The following CCDC40 variants were observed in gnomAD, a reference collection of about 807,000 sequenced individuals.
CCDC40 encodes the protein coiled-coil domain 40 molecular ruler complex subunit.
A neutral mutation model predicts 124.5 loss-of-function variants in CCDC40; 104 were observed. That is an observed-to-expected ratio of 0.84 (90% CI 0.71 to 0.98). CCDC40 has a LOEUF of 0.98. Ranked by LOEUF, CCDC40 falls within the 50% of genes least tolerant of loss-of-function variation. CCDC40 has a pLI of 0.00. For synonymous variants in CCDC40, 580 were observed against 602.9 expected (o/e 0.96, Z 0.56); for missense variants, 1,463 against 1,503.9 (o/e 0.97, Z 0.45).
rs533715442 is a variant in CCDC40, at chr17:80,058,028, C to G, written c.1160-466C>G. 6.6e-6 allele frequency among the ~76,000 whole-genome samples: 1 copy of G among 152,308 alleles called. No homozygotes were observed. The highest frequency in any genetic ancestry group is 1.9e-4 in the East Asian group (1 of 5,170). On this transcript the variant is annotated intron_variant, in intron 7 of 19. Transcript: ENST00000397545. This position sits in a 1 kb window ranked among gnomAD's most constrained non-coding sequence, Gnocchi z 4.2. The stretch of plus-strand genomic sequence containing the variant: ...CTCTTCTAGCCTCGTCCTCTCTGGC[C>G]TGCACTGCTGTGCAGCGGTGTCAGT...
intron 10 of CCDC40, among the ~76,000 whole-genome samples, chr17:80,069,880 G>A (rs140697263): frequency 0.015 from 2,247 of 152,348 alleles, 57 homozygotes; most frequent in African/African-American, 0.052. Context: ...TTTTCCCTCA[G>A]TCCTGATGAT....
At chr17:80,085,962 GC>G in intron 13 of CCDC40, 40 bp from the exon 14 acceptor site, 1 of 1,576,738 alleles carries the variant, frequency 6.3e-7, no homozygotes, top group Non-Finnish European at 8.7e-7. Flanking sequence ...GAGTCACTGC[GC>G]CCAGCCCTAA....
chr17:80,099,398 C>A, intron 19 of CCDC40, 129 bp from the exon 20 acceptor site: 1 of 1,092,628 alleles, frequency 9.2e-7, no homozygotes, highest in Non-Finnish European at 1.4e-6. Context: ...AACACCTTCA[C>A]GCCGTCCCTT....
At chr17:80,093,379 C>T (rs988148189) in intron 17 of CCDC40, among the ~76,000 whole-genome samples, 1 of 152,056 alleles carries the variant, frequency 6.6e-6, no homozygotes, top group Non-Finnish European at 1.5e-5. Context: ...GATGGGGTTT[C>T]ACCATGTTGG....
Position 80,087,931 on chromosome 17 carries a change from G to A in CCDC40, c.2620-80G>A. 7.6e-7 allele frequency: 1 copy of A among 1,316,956 alleles called. No homozygotes were observed. The highest frequency in any genetic ancestry group is 1.1e-6 in the Non-Finnish European group (1 of 910,202). 81.6% of individuals were successfully genotyped at this position (1,316,956 alleles called of 1,614,324 possible). On this transcript the variant is annotated intron_variant, in intron 15 of 19. Transcript: ENST00000397545. The surrounding 1 kb of genome is among the most constrained non-coding windows in gnomAD (Gnocchi z 4.5). ...TCCAGCCTGCAGCCCTGCCCTCGGT[G>A]CCGGGATAGAGGGCACCAGCCCCGG...
Position 80,058,430 on chromosome 17 carries a change from G to T in CCDC40, c.1160-64G>T, listed in dbSNP as rs2037806076. The T allele has an allele frequency of 7.3e-6, 11 of 1,499,202 alleles. No individual in the cohort carries two copies. The Admixed American group carries it at 1.7e-4, about 23-fold the overall frequency. The allele number at this position is 1,499,202 out of a possible 1,614,324, so 92.9% of individuals were successfully genotyped here. A position where few individuals can be genotyped will look rare whatever the true frequency, so the allele number is the denominator to read the frequency against. ...CCTGCTTCCTCCTGGGTCTCTGCAT[G>T]GGGGACGCTGGGACAGCCTCCCCAC... On this transcript the variant is annotated intron_variant, in intron 7 of 19. Transcript: ENST00000397545. The surrounding 1 kb of genome is among the most constrained non-coding windows in gnomAD (Gnocchi z 4.2).
Position 80,086,725 on chromosome 17 carries a change from C to T in CCDC40, c.2449+509C>T, listed in dbSNP as rs1568711742. ...CCTGGACCACTCTCCACCCACATGT[C>T]CACCTGCCGAGACATCCCGGGTCCT... On this transcript the variant is annotated intron_variant, in intron 14 of 19. Transcript: ENST00000397545. This position sits in a 1 kb window ranked among gnomAD's most constrained non-coding sequence, Gnocchi z 5.5. The T allele has an allele frequency of 5.4e-6, 1 of 186,294 alleles. No homozygotes were observed. Among genetic ancestry groups the T allele is most frequent in the East Asian group, 1.5e-4 (1 of 6,820 alleles). The allele number at this position is 186,294 out of a possible 1,614,324, so 11.5% of individuals were successfully genotyped here.
At chr17:80,048,292 T>C in intron 4 of CCDC40, 1 of 446,016 alleles carries the variant, frequency 2.2e-6, no homozygotes, top group Non-Finnish European at 4.2e-6. Context: ...ATCCACTAGT[T>C]AAGTGGCCAC....
chr17:80,067,073 A>G (rs1261240553), intron 10 of CCDC40: 2 of 157,262 alleles, frequency 1.3e-5, no homozygotes, highest in African/African-American at 4.8e-5. Context: ...AAGAAAAGTC[A>G]AGGCCAGGTT....
At position 80,050,971 on chromosome 17, in the gene CCDC40, C is replaced by T. The variant is rs372520049; in HGVS notation, c.1159+688C>T. Among the ~76,000 whole-genome samples the T allele has an allele frequency of 2.1e-3, 323 of 152,204 alleles. 7 individuals are homozygous for T. The South Asian group carries it at 0.052, about 24-fold the overall frequency. ...AGACCATGGCCCAGGGCCTGACCGCCGTAGGATGTGTGCGGCAGGTCAGTG... is the reference window on the plus strand; with the variant it reads ...AGACCATGGCCCAGGGCCTGACCGCTGTAGGATGTGTGCGGCAGGTCAGTG... On this transcript the variant is annotated intron_variant, in intron 7 of 19. Transcript: ENST00000397545.
At chr17:80,064,234 C>G (rs55959152) in intron 9 of CCDC40, among the ~76,000 whole-genome samples, 45 of 152,254 alleles carry the variant, frequency 3.0e-4, no homozygotes, top group East Asian at 2.1e-3. Context: ...GCGCTGCCCT[C>G]GGCTCCCCCG....
intron 3 of CCDC40, among the ~76,000 whole-genome samples, chr17:80,045,282 A>C (rs2037393757): frequency 6.6e-6 from 1 of 152,234 alleles, no homozygotes; most frequent in South Asian, 2.1e-4. Flanking sequence ...CGAGGGTGGC[A>C]TGAGATGAGC....
intron 1 of CCDC40, among the ~76,000 whole-genome samples, chr17:80,037,688 A>AAAAAAAAAAAAATATATAT: frequency 4.4e-5 from 2 of 45,678 alleles, no homozygotes; most frequent in African/African-American, 1.2e-4. Flanking sequence ...TTTTTTAAAA[A>AAAAAAAAAAAAATATATAT]AGATATACAT....
chr17:80,037,688 A>AAATATATATATATAT, intron 1 of CCDC40, among the ~76,000 whole-genome samples: 1 of 45,678 alleles, frequency 2.2e-5, no homozygotes, highest in African/African-American at 5.9e-5. Flanking sequence ...TTTTTTAAAA[A>AAATATATATATATAT]AGATATACAT....
chr17:80,089,302 T>G (rs964152514), intron 16 of CCDC40, among the ~76,000 whole-genome samples: 4 of 152,196 alleles, frequency 2.6e-5, no homozygotes, highest in African/African-American at 9.7e-5. Flanking sequence ...CCGGAAGGGA[T>G]GAATAGCGCA....
intron 17 of CCDC40, chr17:80,090,205 ACGTG>A: frequency 2.7e-6 from 2 of 749,602 alleles, no homozygotes; most frequent in Non-Finnish European, 4.0e-6. Flanking sequence ...GCACGCAGGC[ACGTG>A]CACGAAGAAC....
At position 80,091,368 on chromosome 17, in the gene CCDC40, G is replaced by A. The variant is rs1433541789; in HGVS notation, c.2832+1484G>A. 5.3e-5 allele frequency among the ~76,000 whole-genome samples: 8 copies of A among 151,288 alleles called. No individual in the cohort carries two copies. The East Asian group carries it at 1.2e-3, about 22-fold the overall frequency. ...AGAGAGAGAGAGAGAGAAAGAAAGA[G>A]AGATTTACTATGAGAATTGGCTCTT... On this transcript the variant is annotated intron_variant, in intron 17 of 19. Transcript: ENST00000397545.
Position 80,087,514 on chromosome 17 carries a change from C to T in CCDC40, c.2450-93C>T, listed in dbSNP as rs1314751556. On this transcript the variant is annotated intron_variant, in intron 14 of 19. Transcript: ENST00000397545. This position sits in a 1 kb window ranked among gnomAD's most constrained non-coding sequence, Gnocchi z 4.5. ...GGATGAAGGGAGCTACAGGGAGAGA[C>T]AAAACCTGGCTCACCTCTCGGACAC... 29 of 982,818 alleles carry T rather than the reference C, an allele frequency of 3.0e-5. No individual in the cohort carries two copies. In the South Asian group the frequency reaches 3.6e-4, roughly 12 times the overall value. 60.9% of individuals were successfully genotyped at this position (982,818 alleles called of 1,614,324 possible).
chr17:80,089,785 GA>G lies in CCDC40; in HGVS notation c.2740del (p.Ile914SerfsTer23). 1.2e-6 allele frequency: 2 copies of G among 1,614,230 alleles called. No homozygotes were observed. ...AAAGACACCAGATTATGCTTTGGGA[GA>G]AAAAAATCCAACTGGCAAAAGAGAT... is the stretch of plus-strand genomic sequence containing the variant. Reference protein sequence around the residue: ...EAEHQIMLWEKKIQLAKEMRS... With the variant: ...EAEHQIMLWEXKIQLAKEMRS... On this transcript the variant is annotated frameshift_variant, in exon 17 of 20. Transcript: ENST00000397545. LOFTEE classifies it high-confidence loss of function.
Sources: gnomAD v4.1 joint callset for allele counts (sites outside exome capture counted in the v4.1 genomes callset) on GRCh38, gnomAD v4.1.1 for gene constraint, Gnocchi (gnomAD v3.1) non-coding constraint, MANE v1.5 for transcripts, NCBI Gene and HGNC (gene_info 2026-07-23, HGNC 2026-07-21) for gene names.